The following FER1L6 variants were observed in gnomAD, a reference collection of about 807,000 sequenced individuals.
FER1L6 encodes fer-1-like protein 6.
FER1L6 carries 177 observed loss-of-function variants against 219.2 expected under a neutral mutation model. That is an observed-to-expected ratio of 0.81 (90% confidence interval 0.71 to 0.91). The LOEUF (loss-of-function observed/expected upper bound fraction) is 0.91. Among genes scored for constraint, FER1L6 ranks in the 40% least tolerant of loss-of-function variants. The pLI is 0.00. For missense variants in FER1L6, 2,153 were observed against 2,259.9 expected, an observed-to-expected ratio of 0.95 and a Z score of 0.96; for synonymous variants, 768 against 824.3, an observed-to-expected ratio of 0.93 and a Z score of 1.17.
intron 20 of FER1L6, among the ~76,000 whole-genome samples, chr8:124,043,073 A>T (rs1334386602): frequency 6.6e-6 from 1 of 152,198 alleles, no homozygotes; most frequent in Non-Finnish European, 1.5e-5. Flanking sequence ...TCCTGAGGAC[A>T]TGAATGGTCT....
intron 1 of FER1L6, among the ~76,000 whole-genome samples, chr8:123,876,014 T>C (rs1291175184): frequency 2.6e-5 from 4 of 152,246 alleles, no homozygotes; most frequent in Non-Finnish European, 4.4e-5. Context: ...AGTCAAATCA[T>C]GTCACTCTGC....
intron 1 of FER1L6, among the ~76,000 whole-genome samples, chr8:123,941,600 A>T (rs1246666301): frequency 6.6e-6 from 1 of 152,204 alleles, no homozygotes; most frequent in Non-Finnish European, 1.5e-5. Flanking sequence ...GTGTAGCCAG[A>T]TGACTTCTGT....
At chr8:124,060,481 A>C in intron 23 of FER1L6, 67 bp from the exon 24 acceptor site, 1 of 1,588,738 alleles carries the variant, frequency 6.3e-7, no homozygotes, top group Non-Finnish European at 8.6e-7. Context: ...TTTTCCACAC[A>C]GAGCCAGGGC....
chr8:123,883,018 G>C (rs949876183), intron 1 of FER1L6, among the ~76,000 whole-genome samples: 4 of 152,126 alleles, frequency 2.6e-5, no homozygotes, highest in Non-Finnish European at 5.9e-5. Context: ...CTTTTCTCAG[G>C]TTTGCTGTGA....
intron 33 of FER1L6, among the ~76,000 whole-genome samples, chr8:124,086,536 A>G (rs565229971): frequency 3.3e-5 from 5 of 150,538 alleles, no homozygotes; most frequent in African/African-American, 1.2e-4. Context: ...TTCTACTTAT[A>G]TCTTATTATA....
chr8:124,010,184 G>A (rs984783796), intron 13 of FER1L6, among the ~76,000 whole-genome samples: 3 of 147,036 alleles, frequency 2.0e-5, no homozygotes, highest in Non-Finnish European at 4.5e-5. Context: ...TCAAGGGTTC[G>A]GAAGCTGGCG....
intron 30 of FER1L6, among the ~76,000 whole-genome samples, chr8:124,070,846 A>G (rs1821039164): frequency 6.6e-6 from 1 of 152,180 alleles, no homozygotes; most frequent in Admixed American, 6.5e-5. Flanking sequence ...TGAAAGGAAC[A>G]CTGAACTTTA....
intron 12 of FER1L6, among the ~76,000 whole-genome samples, chr8:123,989,804 A>G (rs915889491): frequency 6.6e-6 from 1 of 152,058 alleles, no homozygotes; most frequent in Non-Finnish European, 1.5e-5. Flanking sequence ...TTCTTTATCT[A>G]CTCATTAGTC....
chr8:124,055,529 C>T (rs962366872), intron 22 of FER1L6, among the ~76,000 whole-genome samples: 1 of 152,138 alleles, frequency 6.6e-6, no homozygotes, highest in Non-Finnish European at 1.5e-5. Context: ...CACACTTTGG[C>T]CTTCTTTTCC....
intron 39 of FER1L6, among the ~76,000 whole-genome samples, chr8:124,103,850 G>A (rs1286972043): frequency 6.6e-6 from 1 of 152,200 alleles, no homozygotes; most frequent in African/African-American, 2.4e-5. Flanking sequence ...AGCCAGCAGG[G>A]ATGACTTAGC....
chr8:123,951,628 T>A (rs747021252), intron 1 of FER1L6, among the ~76,000 whole-genome samples: 1 of 152,160 alleles, frequency 6.6e-6, no homozygotes, highest in African/African-American at 2.4e-5. Flanking sequence ...GGTGGAAAAA[T>A]TTTGTGATTT....
At chr8:124,011,387 G>T (rs965005214) in intron 14 of FER1L6, among the ~76,000 whole-genome samples, 4 of 152,072 alleles carry the variant, frequency 2.6e-5, no homozygotes, top group African/African-American at 9.7e-5. Flanking sequence ...AAGGGGTCTT[G>T]CTTTGTCACT....
At chr8:124,020,311 G>A (rs956760738) in intron 16 of FER1L6, among the ~76,000 whole-genome samples, 9 of 152,032 alleles carry the variant, frequency 5.9e-5, no homozygotes, top group African/African-American at 2.2e-4. Context: ...GTCTTTATTA[G>A]CAGCACGAGA....
chr8:123,937,543 C>T (rs966049312), intron 1 of FER1L6, among the ~76,000 whole-genome samples: 1 of 152,092 alleles, frequency 6.6e-6, no homozygotes, highest in East Asian at 1.9e-4. Flanking sequence ...ACCCTTGATA[C>T]TCACGTTGGA....
intron 16 of FER1L6, among the ~76,000 whole-genome samples, chr8:124,019,200 G>A (rs921359698): frequency 1.5e-4 from 23 of 152,130 alleles, no homozygotes; most frequent in African/African-American, 4.3e-4. Flanking sequence ...AACCTTATCC[G>A]TCTTTAGTTC....
chr8:123,942,391 A>G (rs889982361), intron 1 of FER1L6, among the ~76,000 whole-genome samples: 1 of 152,214 alleles, frequency 6.6e-6, no homozygotes, highest in African/African-American at 2.4e-5. Context: ...ATGACACCAT[A>G]AAGACGTGCT....
rs747141503 is a variant in FER1L6, at chr8:124,061,837, A to G, written c.3148-15A>G. 8.7e-6 allele frequency: 14 copies of G among 1,611,320 alleles called. No homozygotes were observed. The African/African-American group carries it at 1.7e-4, about 20-fold the overall frequency. On this transcript the variant is annotated splice_polypyrimidine_tract_variant and intron_variant, in intron 24 of 40. Transcript: ENST00000522917. ...GGTCACCAGGCCCCTTCTTCATCTC[A>G]TCCTCTCTCTGCAGGAACTGCCTGA...
Position 123,985,797 on chromosome 8 carries a change from T to C in FER1L6, c.1411-271T>C, listed in dbSNP as rs536992152. 4 of 311,232 alleles carry C rather than the reference T, an allele frequency of 1.3e-5. No homozygotes were observed. The Admixed American group carries it at 1.4e-4, about 11-fold the overall frequency. 19.3% of individuals were successfully genotyped at this position (311,232 alleles called of 1,614,324 possible). ...TCCTAGAAAGATACGCACACCAAGT[T>C]TATATGTTAAAATAAAAGGAGTTTT... is the stretch of plus-strand genomic sequence containing the variant. On this transcript the variant is annotated intron_variant, in intron 11 of 40. Coordinates refer to ENST00000522917, the MANE Select transcript of FER1L6 (RefSeq NM_001039112.2).
intron 1 of FER1L6, among the ~76,000 whole-genome samples, chr8:123,919,358 A>C (rs796311318): frequency 3.9e-5 from 6 of 152,284 alleles, no homozygotes; most frequent in African/African-American, 1.4e-4. Context: ...CTTTGCATTT[A>C]CTCTTTATGT....
Sources: gnomAD v4.1 joint callset for allele counts (sites outside exome capture counted in the v4.1 genomes callset) on GRCh38, gnomAD v4.1.1 for gene constraint, MANE v1.5 for transcripts, NCBI Gene and HGNC (gene_info 2026-07-23, HGNC 2026-07-21) for gene names.